The following SGCZ variants were observed in gnomAD, a reference collection of about 807,000 sequenced individuals.
The protein encoded by SGCZ is zeta-sarcoglycan.
Under a neutral mutation model 41.3 loss-of-function variants are expected in SGCZ, and 40 were observed. That is an observed-to-expected ratio of 0.97 (90% CI 0.75 to 1.26). The LOEUF (loss-of-function observed/expected upper bound fraction) is 1.26, where lower values mean the gene tolerates loss of function less well. Among genes scored for constraint, SGCZ ranks in the 50% most tolerant of loss-of-function variants. The pLI, the probability that SGCZ is intolerant of heterozygous loss-of-function variation, is 0.00. For missense variants in SGCZ, 552 were observed against 369.8 expected (o/e 1.49, Z -4.04); for synonymous variants, 206 against 137.5 (o/e 1.50, Z -3.49).
chr8:15,086,665 A>AG (rs869066881), intron 1 of SGCZ, among the ~76,000 whole-genome samples: 1 of 1,574 alleles, frequency 6.4e-4, no homozygotes, highest in Non-Finnish European at 1.8e-3. Flanking sequence ...TCTGTAATTG[A>AG]AAAAATAATT....
chr8:15,220,180 C>G (rs1292535842), intron 1 of SGCZ, among the ~76,000 whole-genome samples: 1 of 152,112 alleles, frequency 6.6e-6, no homozygotes, highest in Non-Finnish European at 1.5e-5. Flanking sequence ...AAACAATATA[C>G]TAAAACCAAA....
chr8:14,309,886 C>G (rs532059404), intron 3 of SGCZ, among the ~76,000 whole-genome samples: 1 of 151,628 alleles, frequency 6.6e-6, no homozygotes, highest in South Asian at 2.1e-4. Context: ...TTTCTGCTAT[C>G]CCAATCAAAG....
At chr8:14,504,895 A>T (rs1393049711) in intron 2 of SGCZ, among the ~76,000 whole-genome samples, 2 of 152,226 alleles carry the variant, frequency 1.3e-5, no homozygotes, top group East Asian at 3.9e-4. Flanking sequence ...GTGATTCCTA[A>T]TTCTTTGTTA....
chr8:14,456,776 C>T (rs1194581588), intron 2 of SGCZ, among the ~76,000 whole-genome samples: 1 of 152,164 alleles, frequency 6.6e-6, no homozygotes, highest in Non-Finnish European at 1.5e-5. Context: ...GAGGTAGGAC[C>T]TGTTGGGAGG....
rs190170685 is a variant in SGCZ at position 15,138,385 on chromosome 8, T to C, written c.39+99200A>G. On this transcript the variant is annotated intron_variant, in intron 1 of 7. Coordinates refer to ENST00000382080, the MANE Select transcript of SGCZ (RefSeq NM_139167.4). ...ACTTTAGGGGACTGTTGGGAGGGCA[T>C]GATTGTGATTTGAATTGTGACGACA... 1.8e-4 allele frequency among the ~76,000 whole-genome samples: 27 copies of C among 152,178 alleles called. 1 individual carries two copies. Among genetic ancestry groups the C allele is most frequent in the Admixed American group, 1.6e-3 (24 of 15,282 alleles).
chr8:14,198,774 C>T (rs1490484906), intron 4 of SGCZ, among the ~76,000 whole-genome samples: 1 of 152,096 alleles, frequency 6.6e-6, no homozygotes, highest in Non-Finnish European at 1.5e-5. Flanking sequence ...TTATTAGTTC[C>T]CCAAATTAAT....
chr8:14,619,037 G>C (rs933003312), intron 1 of SGCZ, among the ~76,000 whole-genome samples: 1 of 152,006 alleles, frequency 6.6e-6, no homozygotes, highest in African/African-American at 2.4e-5. Flanking sequence ...CAATATGTTG[G>C]TATACTCTAT....
chr8:15,195,960 C>G (rs1469592181), intron 1 of SGCZ, among the ~76,000 whole-genome samples: 42 of 118,594 alleles, frequency 3.5e-4, no homozygotes, highest in African/African-American at 1.3e-3. Context: ...TGCAGTGGCG[C>G]GATCTTGGCT....
chr8:14,934,312 T>C (rs1434420703), intron 1 of SGCZ, among the ~76,000 whole-genome samples: 6 of 152,006 alleles, frequency 3.9e-5, no homozygotes, highest in Admixed American at 3.9e-4. Flanking sequence ...ATAAAATATA[T>C]GTGTCTGTAA....
chr8:14,107,967 C>G (rs1419841587), intron 6 of SGCZ, among the ~76,000 whole-genome samples, 196 bp downstream of exon 6: 1 of 152,010 alleles, frequency 6.6e-6, no homozygotes, highest in Non-Finnish European at 1.5e-5. Context: ...TTTATTAGTT[C>G]TTCTCACTTA....
intron 1 of SGCZ, among the ~76,000 whole-genome samples, chr8:14,656,611 CCTCTCT>C (rs138779814): frequency 6.9e-6 from 1 of 144,322 alleles, no homozygotes; most frequent in African/African-American, 2.6e-5. Flanking sequence ...CTCTCCCTCT[CCTCTCT>C]CTCTCTCTCT....
rs572279811 is a variant in SGCZ, at chr8:14,209,385, G to T, written c.424+28207C>A. ...AACTCTGTTCCTAAACTCACTCCTT[G>T]TGTGTGTTTTCCTGACCTTAATTTT... On this transcript the variant is annotated intron_variant, in intron 4 of 7. Transcript: ENST00000382080. 4.0e-5 allele frequency among the ~76,000 whole-genome samples: 6 copies of T among 151,880 alleles called. No homozygotes were observed. In the East Asian group the frequency reaches 9.8e-4, roughly 25 times the overall value.
At chr8:14,987,966 G>T (rs1801880130) in intron 1 of SGCZ, among the ~76,000 whole-genome samples, 1 of 151,872 alleles carries the variant, frequency 6.6e-6, no homozygotes, top group African/African-American at 2.4e-5. Flanking sequence ...AAAACACAGA[G>T]TGAATTTAAT....
chr8:14,714,758 G>C (rs915888841), intron 1 of SGCZ, among the ~76,000 whole-genome samples: 8 of 152,080 alleles, frequency 5.3e-5, no homozygotes, highest in Non-Finnish European at 1.0e-4. Flanking sequence ...TAAGCAAGTG[G>C]TAAGCAGCTA....
chr8:14,853,500 G>C (rs912771170), intron 1 of SGCZ: 2 of 532,642 alleles, frequency 3.8e-6, no homozygotes, highest in Non-Finnish European at 7.7e-6. Flanking sequence ...ATCACCTTCT[G>C]ATCTGAGGAG....
intron 1 of SGCZ, among the ~76,000 whole-genome samples, chr8:15,074,647 C>T (rs1805466203): frequency 6.6e-6 from 1 of 152,072 alleles, no homozygotes; most frequent in South Asian, 2.1e-4. Flanking sequence ...ATTTACCTGT[C>T]GTTTATTCTG....
chr8:14,329,685 GATC>G (rs1464150088), intron 2 of SGCZ, among the ~76,000 whole-genome samples: 2 of 152,074 alleles, frequency 1.3e-5, no homozygotes, highest in African/African-American at 4.8e-5. Context: ...AATCCACTGT[GATC>G]ATCATATTCT....
chr8:14,742,720 C>A (rs964286009), intron 1 of SGCZ, among the ~76,000 whole-genome samples: 1 of 151,984 alleles, frequency 6.6e-6, no homozygotes, highest in Non-Finnish European at 1.5e-5. Context: ...TACAAATACT[C>A]CTGAGAATAC....
chr8:14,769,927 T>C (rs1233892377), intron 1 of SGCZ, among the ~76,000 whole-genome samples: 1 of 150,438 alleles, frequency 6.6e-6, no homozygotes, highest in African/African-American at 2.5e-5. Context: ...GCTGCAGGCA[T>C]AAAGATGCAA....
Sources: gnomAD v4.1 joint callset for allele counts (sites outside exome capture counted in the v4.1 genomes callset) on GRCh38, gnomAD v4.1.1 for gene constraint, MANE v1.5 for transcripts, NCBI Gene and HGNC (gene_info 2026-07-23, HGNC 2026-07-21) for gene names.